ATP2B4: variants seen among roughly 807,000 people sequenced by gnomAD.
ATP2B4 encodes the protein ATPase plasma membrane Ca2+ transporting 4.
A neutral mutation model predicts 110.3 loss-of-function variants in ATP2B4; 39 were observed. That is an observed-to-expected ratio of 0.35 (90% CI 0.27 to 0.46). The LOEUF (loss-of-function observed/expected upper bound fraction) is 0.46, where lower values mean the gene tolerates loss of function less well. Among genes scored for constraint, ATP2B4 ranks in the 20% least tolerant of loss-of-function variants. ATP2B4 has a pLI of 1.00. For synonymous variants in ATP2B4, 538 were observed against 571.7 expected, an observed-to-expected ratio of 0.94 and a Z score of 0.84; for missense variants, 1,135 against 1,530.9, an observed-to-expected ratio of 0.74 and a Z score of 4.32.
intron 2 of ATP2B4, among the ~76,000 whole-genome samples, chr1:203,686,676 C>CTTTTTT: frequency 1.9e-5 from 1 of 52,296 alleles, no homozygotes; most frequent in Non-Finnish European, 3.7e-5. Flanking sequence ...GTTTTTCTTT[C>CTTTTTT]TTTTCTTTCT....
In ATP2B4 at chr1:203,683,335, A is replaced by G. The variant is rs963788724; in HGVS notation, c.130A>G (p.Ile44Val). Residue 44 changes from isoleucine (I) to valine (V), a missense_variant, in exon 2 of 21, where the codon ATT (isoleucine) becomes GTT (valine). Ile to Val is a conservative substitution (Grantham distance 29). Around this residue, in one of 9 missense-constraint regions of ATP2B4, gnomAD observed 122 missense variants for 125.2 expected, o/e 0.97. Coordinates refer to ENST00000357681, the MANE Select transcript of ATP2B4 (RefSeq NM_001684.5). ...ELRSRDALTQ[I>V]NVHYGGVQNL... ...GCGTTCAAGGGATGCACTGACCCAG[A>G]TTAATGTCCACTATGGAGGTGTACA... 2 of 1,614,218 alleles carry G rather than the reference A, an allele frequency of 1.2e-6. No homozygotes were observed.
At chr1:203,711,243 G>T (rs1468948480) in intron 12 of ATP2B4, 135 bp downstream of exon 12, 2 of 776,150 alleles carry the variant, frequency 2.6e-6, no homozygotes, top group Middle Eastern at 3.7e-4. Context: ...TGCTTCACAG[G>T]ACTGCTGTGG....
In ATP2B4 at chr1:203,714,188, G is replaced by A. The variant is rs1220486335; in HGVS notation, c.2317G>A (p.Val773Ile). The A allele has an allele frequency of 1.2e-6, 2 of 1,614,176 alleles. No individual in the cohort carries two copies. The highest frequency in any genetic ancestry group is 1.7e-6 in the Non-Finnish European group (2 of 1,180,020). ...TCTCCCAGGCATAATTGACAGCACT[G>A]TTGGGGAACACCGGCAGGTCGTGGC... ...TLVKGIIDST[V>I]GEHRQVVAVT... The change falls in exon 15 of 21, where the codon GTT becomes ATT. Residue 773 changes from valine to isoleucine, a missense_variant. This residue lies in a region of ATP2B4 where 368 missense variants were observed against 455.9 expected (regional missense o/e 0.81). Transcript: ENST00000357681.
At position 203,723,996 on chromosome 1, in the gene ATP2B4, C is replaced by T; in HGVS notation, c.3132+8C>T. ...GAACTTCTGTGGGGCCAGGTGAGTA[C>T]CGGCACACCCTCCTGGTGCATTCTC... On this transcript the variant is annotated splice_region_variant and intron_variant, in intron 19 of 20. Coordinates refer to ENST00000357681, the MANE Select transcript of ATP2B4 (RefSeq NM_001684.5). The T allele has an allele frequency of 6.2e-7, 1 of 1,602,352 alleles. No individual in the cohort carries two copies. Among genetic ancestry groups the T allele is most frequent in the Non-Finnish European group, 8.5e-7 (1 of 1,173,350 alleles).
intron 20 of ATP2B4, among the ~76,000 whole-genome samples, chr1:203,737,256 A>C (rs1461459661): frequency 6.6e-6 from 1 of 152,238 alleles, no homozygotes; most frequent in Non-Finnish European, 1.5e-5. Context: ...TTTTTCCAAC[A>C]AAGTATTCAA....
At chr1:203,722,805 C>CTGTA in intron 18 of ATP2B4, 116 bp downstream of exon 18, 2 of 971,008 alleles carry the variant, frequency 2.1e-6, no homozygotes, top group East Asian at 5.2e-5. Flanking sequence ...GGGACTGGAG[C>CTGTA]TGTAAGTTGA....
At position 203,712,084 on chromosome 1, in the gene ATP2B4, T is replaced by C; in HGVS notation, c.2156T>C (p.Phe719Ser). The C allele has an allele frequency of 6.2e-7, 1 of 1,614,122 alleles. No individual in the cohort carries two copies. The highest frequency in any genetic ancestry group is 8.5e-7 in the Non-Finnish European group (1 of 1,180,008). ...KCGILTPGDD[F>S]LCLEGKEFNR... ...GGCATTCTGACACCTGGGGATGACT[T>C]CCTGTGCTTAGAAGGCAAAGAATTC... Residue 719 changes from phenylalanine (F) to serine (S), a missense_variant, in exon 13 of 21, where the codon TTC becomes TCC. Phe to Ser is a radical substitution (Grantham distance 155). This residue lies in a region of ATP2B4 where 368 missense variants were observed against 455.9 expected (regional missense o/e 0.81). Transcript: ENST00000357681.
Position 203,712,156 on chromosome 1 carries a change from G to A in ATP2B4, c.2211+17G>A, listed in dbSNP as rs201962901. 5.0e-4 allele frequency: 813 copies of A among 1,611,994 alleles called. No homozygotes were observed. The highest frequency in any genetic ancestry group is 8.2e-4 in the Admixed American group (49 of 59,914). ...AAAGGCGAGGTGGGTCCTGGCTAGG[G>A]GGAACCAGGACCTCACCTGACAAGG... On this transcript the variant is annotated intron_variant, in intron 13 of 20. Coordinates refer to ENST00000357681, the MANE Select transcript of ATP2B4 (RefSeq NM_001684.5).
chr1:203,702,482 C>T (rs566181691), intron 7 of ATP2B4, among the ~76,000 whole-genome samples: 1 of 152,306 alleles, frequency 6.6e-6, no homozygotes, highest in African/African-American at 2.4e-5. Flanking sequence ...CTGCACCGTC[C>T]TCTTGCTAGC....
intron 8 of ATP2B4, among the ~76,000 whole-genome samples, chr1:203,705,217 G>A (rs1250728762): frequency 1.3e-5 from 2 of 152,176 alleles, no homozygotes; most frequent in Admixed American, 1.3e-4. Flanking sequence ...GACTGAGTTG[G>A]CCTAACCTCT....
chr1:203,628,899 G>A (rs1283924558), intron 1 of ATP2B4, among the ~76,000 whole-genome samples: 1 of 152,156 alleles, frequency 6.6e-6, no homozygotes, highest in Non-Finnish European at 1.5e-5. Context: ...GACTCTGGGA[G>A]GGGCAGGAAG....
Position 203,740,135 on chromosome 1 carries a change from A to T in ATP2B4, c.*281A>T, listed in dbSNP as rs1666968940. On this transcript the variant is annotated 3_prime_UTR_variant, in exon 21 of 21. Transcript: ENST00000357681. ...GTCACTTGTCATTTTTAAAGAAATGATGACAATCCTCTTGGCATCACCCCA... is the reference window on the plus strand; with the variant it reads ...GTCACTTGTCATTTTTAAAGAAATGTTGACAATCCTCTTGGCATCACCCCA... 2.7e-6 allele frequency: 1 copy of T among 375,958 alleles called. No individual in the cohort carries two copies. The highest frequency in any genetic ancestry group is 2.0e-5 in the African/African-American group (1 of 49,522). The allele number at this position is 375,958 out of a possible 1,614,324, so 23.3% of individuals were successfully genotyped here.
Position 203,742,304 on chromosome 1 carries a change from A to G in ATP2B4, c.*2450A>G, listed in dbSNP as rs989204466. On this transcript the variant is annotated 3_prime_UTR_variant, in exon 21 of 21. Coordinates refer to ENST00000357681, the MANE Select transcript of ATP2B4 (RefSeq NM_001684.5). ...TTTCTTTCTGCAAACAGCCATCTTT[A>G]TACTTAGGGAAGAAAAATTGTTGGG... is the stretch of plus-strand genomic sequence containing the variant. The G allele has an allele frequency of 2.6e-5, 4 of 152,636 alleles. No homozygotes were observed. The highest frequency in any genetic ancestry group is 5.9e-5 in the Non-Finnish European group (4 of 68,034). The allele number at this position is 152,636 out of a possible 1,614,324, so 9.5% of individuals were successfully genotyped here.
chr1:203,632,413 G>A (rs1348170739), intron 1 of ATP2B4, among the ~76,000 whole-genome samples: 7 of 150,546 alleles, frequency 4.6e-5, no homozygotes, highest in African/African-American at 9.8e-5. Flanking sequence ...GTGGGATCTC[G>A]GCTCACTGCA....
In ATP2B4 at chr1:203,740,035, TTAAGC is replaced by T; in HGVS notation, c.*183_*187del. 1 of 716,702 alleles carries T rather than the reference TTAAGC, an allele frequency of 1.4e-6. No individual in the cohort carries two copies. Among genetic ancestry groups the T allele is most frequent in the Non-Finnish European group, 2.2e-6 (1 of 451,364 alleles). The allele number at this position is 716,702 out of a possible 1,614,324, so 44.4% of individuals were successfully genotyped here. A position where few individuals can be genotyped will look rare whatever the true frequency, so the allele number is the denominator to read the frequency against. On this transcript the variant is annotated 3_prime_UTR_variant, in exon 21 of 21. Transcript: ENST00000357681. Reference sequence around the variant, plus strand: ...AGCACAGACTTACAAGGATTTCAACTTAAGCTTGACTTGGGGTTTGTAGCGGGACC... The same window carrying T: ...AGCACAGACTTACAAGGATTTCAACTTTGACTTGGGGTTTGTAGCGGGACC...
intron 1 of ATP2B4, among the ~76,000 whole-genome samples, chr1:203,630,369 CT>C (rs869129746): frequency 2.3e-3 from 35 of 14,990 alleles, no homozygotes; most frequent in African/African-American, 3.3e-3. Context: ...CTCTCTCTCT[CT>C]TTTTTTTTTT....
chr1:203,675,193 G>A (rs545986582), intron 1 of ATP2B4, among the ~76,000 whole-genome samples: 2 of 152,136 alleles, frequency 1.3e-5, no homozygotes, highest in South Asian at 4.1e-4. Context: ...GATCTTAGCA[G>A]ACCAGGTGAT....
At chr1:203,714,419 C>A (rs941813820) in intron 15 of ATP2B4, 142 bp downstream of exon 15, 1 of 754,056 alleles carries the variant, frequency 1.3e-6, no homozygotes, top group African/African-American at 1.7e-5. Flanking sequence ...TCCTATCTAC[C>A]GGGCCAATCA....
At chr1:203,684,411 A>G (rs1665115914) in intron 2 of ATP2B4, among the ~76,000 whole-genome samples, 1 of 147,676 alleles carries the variant, frequency 6.8e-6, no homozygotes, top group South Asian at 2.1e-4. Flanking sequence ...GCTGGAGTGC[A>G]GTGGAATGAT....
Sources: gnomAD v4.1 joint callset for allele counts (sites outside exome capture counted in the v4.1 genomes callset) on GRCh38, gnomAD v4.1.1 for gene constraint, gnomAD v4.1.1 regional missense constraint, MANE v1.5 for transcripts, NCBI Gene and HGNC (gene_info 2026-07-23, HGNC 2026-07-21) for gene names.